Variants in EXOC4 observed in about 807,000 individuals in gnomAD.
EXOC4 encodes the protein exocyst complex component 4.
Under a neutral mutation model 107.2 loss-of-function variants are expected in EXOC4, and 71 were observed. The ratio of observed to expected loss-of-function variants is 0.66; its 90% confidence interval spans 0.55 to 0.81. The LOEUF (loss-of-function observed/expected upper bound fraction) is 0.81, where lower values mean the gene tolerates loss of function less well. Among genes scored for constraint, EXOC4 ranks in the 30% least tolerant of loss-of-function variants. EXOC4 has a pLI of 0.00. For synonymous variants in EXOC4, 456 were observed against 441.2 expected (o/e 1.03, Z -0.42); for missense variants, 1,108 against 1,189.6 (o/e 0.93, Z 1.01).
chr7:133,655,724 T>A (rs913898136), intron 10 of EXOC4, among the ~76,000 whole-genome samples: 2 of 152,196 alleles, frequency 1.3e-5, no homozygotes, highest in African/African-American at 4.8e-5. Context: ...TGCCATCTCC[T>A]AGGATAACAA....
intron 7 of EXOC4, among the ~76,000 whole-genome samples, chr7:133,378,501 CAT>C (rs567347289): frequency 2.0e-5 from 3 of 151,402 alleles, no homozygotes; most frequent in Non-Finnish European, 4.4e-5. Context: ...CAAAAACAAT[CAT>C]AGTGTATGTG....
At chr7:134,089,413 C>T in the EXOC4 span, among the ~76,000 whole-genome samples, 2 of 152,180 alleles carry the variant, frequency 1.3e-5, no homozygotes, top group African/African-American at 4.8e-5. Flanking sequence ...CTCTTAGCAA[C>T]TCTTACTTCT....
intron 10 of EXOC4, among the ~76,000 whole-genome samples, chr7:133,746,235 A>G (rs1427938241): frequency 6.6e-6 from 1 of 152,080 alleles, no homozygotes; most frequent in East Asian, 1.9e-4. Flanking sequence ...TCCTAGGTAT[A>G]TTTAATTTTC....
chr7:133,421,294 C>T (rs1292276768), intron 7 of EXOC4, among the ~76,000 whole-genome samples: 1 of 152,116 alleles, frequency 6.6e-6, no homozygotes, highest in Non-Finnish European at 1.5e-5. Flanking sequence ...CATGATTGTT[C>T]CTTGATTGTG....
At chr7:133,373,581 G>A (rs1796422986) in intron 6 of EXOC4, among the ~76,000 whole-genome samples, 1 of 152,178 alleles carries the variant, frequency 6.6e-6, no homozygotes, top group African/African-American at 2.4e-5. Context: ...TTGTATGTTT[G>A]GATGAGATTG....
chr7:133,844,427 G>T (rs917097254), intron 11 of EXOC4, among the ~76,000 whole-genome samples: 5 of 101,184 alleles, frequency 4.9e-5, no homozygotes, highest in Admixed American at 1.7e-4. Flanking sequence ...GTCTTGCTCT[G>T]TCGCCAGACT....
chr7:133,540,933 C>T (rs1800367299), intron 9 of EXOC4, among the ~76,000 whole-genome samples: 3 of 152,058 alleles, frequency 2.0e-5, no homozygotes, highest in South Asian at 2.1e-4. Flanking sequence ...GCACTTCTTG[C>T]TATTTCCCCT....
chr7:133,504,466 C>T (rs1484264394), intron 9 of EXOC4, among the ~76,000 whole-genome samples: 3 of 152,114 alleles, frequency 2.0e-5, no homozygotes, highest in South Asian at 2.1e-4. Flanking sequence ...TTAAGAGGCT[C>T]GCAATTGATA....
At chr7:133,981,373 T>C (rs1456006319) in intron 14 of EXOC4, among the ~76,000 whole-genome samples, 3 of 152,138 alleles carry the variant, frequency 2.0e-5, no homozygotes, top group Non-Finnish European at 4.4e-5. Context: ...CACATAAAAC[T>C]GTAGATGGAG....
At position 133,475,414 on chromosome 7, in the gene EXOC4, A is replaced by G. The variant is rs759405474; in HGVS notation, c.1269A>G (p.Arg423=). 4 of 1,614,006 alleles carry G rather than the reference A, an allele frequency of 2.5e-6. No homozygotes were observed. The highest frequency in any genetic ancestry group is 1.3e-5 in the African/African-American group (1 of 74,910). The part of the protein sequence containing the change: ...SAQLSYASTG[R]EFAAFFAKKK... ...AACTAAGCTATGCCAGCACTGGACG[A>G]GAGTTTGCAGCCTTTTTTGCCAAGA... The change falls in exon 8 of 18, where the codon CGA becomes CGG. Residue 423 remains arginine (R), a synonymous_variant. Coordinates refer to ENST00000253861, the MANE Select transcript of EXOC4 (RefSeq NM_021807.4).
intron 10 of EXOC4, among the ~76,000 whole-genome samples, chr7:133,645,687 T>TCA (rs56329504): frequency 0.43 from 64,734 of 151,750 alleles, 14,646 homozygotes; most frequent in Admixed American, 0.57. Context: ...TGTTAGGAAT[T>TCA]CACACAGTTC....
At chr7:133,624,157 C>T (rs1411669534) in intron 9 of EXOC4, among the ~76,000 whole-genome samples, 2 of 152,174 alleles carry the variant, frequency 1.3e-5, no homozygotes, top group African/African-American at 4.8e-5. Context: ...ATTTAAAAAT[C>T]AGGACACATT....
intron 10 of EXOC4, among the ~76,000 whole-genome samples, chr7:133,675,237 C>T (rs1794029636): frequency 6.6e-6 from 1 of 151,970 alleles, no homozygotes; most frequent in South Asian, 2.1e-4. Context: ...TCAAGGCGAC[C>T]CCAGCTGTCA....
intron 3 of EXOC4, among the ~76,000 whole-genome samples, chr7:133,301,720 A>G (rs116726071): frequency 0.011 from 1,609 of 152,214 alleles, 19 homozygotes; most frequent in African/African-American, 0.035. Flanking sequence ...CCTTATTTCT[A>G]TTCACAAACA....
intron 2 of EXOC4, among the ~76,000 whole-genome samples, chr7:133,281,977 A>G (rs1035416091): frequency 1.3e-5 from 2 of 152,206 alleles, no homozygotes; most frequent in Non-Finnish European, 2.9e-5. Context: ...TTCTGGGATT[A>G]CAGGCGAGAG....
At chr7:133,677,221 G>A (rs915149025) in intron 10 of EXOC4, among the ~76,000 whole-genome samples, 1 of 151,980 alleles carries the variant, frequency 6.6e-6, no homozygotes, top group African/African-American at 2.4e-5. Flanking sequence ...TAACATCTTT[G>A]TTACCGTTAA....
At chr7:133,603,344 A>G (rs1442145236) in intron 9 of EXOC4, among the ~76,000 whole-genome samples, 2 of 152,250 alleles carry the variant, frequency 1.3e-5, no homozygotes, top group Non-Finnish European at 2.9e-5. Context: ...ACTCAAATGC[A>G]TCTTCATGCA....
At chr7:133,823,482 A>G (rs1386981567) in intron 11 of EXOC4, among the ~76,000 whole-genome samples, 1 of 151,778 alleles carries the variant, frequency 6.6e-6, no homozygotes, top group Non-Finnish European at 1.5e-5. Context: ...TTTCTACTCC[A>G]TCGTATCAGT....
chr7:133,380,497 A>G (rs1796593182), intron 7 of EXOC4, among the ~76,000 whole-genome samples: 1 of 151,956 alleles, frequency 6.6e-6, no homozygotes, highest in South Asian at 2.1e-4. Context: ...CCTTGTATCT[A>G]TTAGCAGTCA....
Sources: allele counts gnomAD v4.1 joint callset (sites outside exome capture counted in the v4.1 genomes callset), GRCh38; gene constraint gnomAD v4.1.1; transcripts MANE v1.5; gene names NCBI Gene and HGNC (gene_info 2026-07-23, HGNC 2026-07-21).